Variants in SPTBN5 observed in about 807,000 individuals in gnomAD.
SPTBN5 encodes the protein spectrin beta chain, non-erythrocytic 5.
SPTBN5 carries 513 observed loss-of-function variants against 477.6 expected under a neutral mutation model. The observed-to-expected ratio is 1.07, with a 90% CI of 1.00 to 1.16. The LOEUF (loss-of-function observed/expected upper bound fraction) is 1.16, where lower values mean the gene tolerates loss of function less well. Among genes scored for constraint, SPTBN5 ranks in the 50% most tolerant of loss-of-function variants. The pLI, the probability that SPTBN5 is intolerant of heterozygous loss-of-function variation, is 0.00. For synonymous variants in SPTBN5, 2,169 were observed against 2,011.7 expected (o/e 1.08, Z -2.09); for missense variants, 5,062 against 4,731.8 (o/e 1.07, Z -2.05).
rs531643343 is a variant in SPTBN5 at position 41,867,918 on chromosome 15, A to G, written c.6207+151T>C. On this transcript the variant is annotated intron_variant, in intron 34 of 67. Coordinates refer to ENST00000320955, the MANE Select transcript of SPTBN5 (RefSeq NM_016642.4). The stretch of plus-strand genomic sequence containing the variant: ...TCAGTGGACGCTCAGGGGCCTCAGC[A>G]CTTCACCATGGCCACCTGGAAGGAC... The G allele has an allele frequency of 4.1e-5, 46 of 1,121,050 alleles. No individual in the cohort carries two copies. In the East Asian group the frequency reaches 5.4e-4, roughly 13 times the overall value. The allele number at this position is 1,121,050 out of a possible 1,614,324, so 69.4% of individuals were successfully genotyped here.
At position 41,852,896 on chromosome 15, in the gene SPTBN5, A is replaced by T. The variant is rs1248314331; in HGVS notation, c.10275T>A (p.Leu3425=). The T allele has an allele frequency of 6.2e-7, 1 of 1,607,840 alleles. No individual in the cohort carries two copies. The highest frequency in any genetic ancestry group is 2.2e-5 in the East Asian group (1 of 44,746). The change falls in exon 60 of 68, where the codon CTT becomes CTA. Residue 3425 remains leucine, a synonymous_variant. Transcript: ENST00000320955. Reference sequence around the variant, plus strand: ...CCTCAGCCTGCTCCAGCCTCTGCCGAAGCTTCTGCAGGCCCCAGCTCTCGG... The same window carrying T: ...CCTCAGCCTGCTCCAGCCTCTGCCGTAGCTTCTGCAGGCCCCAGCTCTCGG... ...RCAESWGLQK[L]RQRLEQAEAW...
At chr15:41,860,264 T>A (rs1399914518) in intron 47 of SPTBN5, among the ~76,000 whole-genome samples, 1 of 152,234 alleles carries the variant, frequency 6.6e-6, no homozygotes, top group Non-Finnish European at 1.5e-5. Context: ...GGAAGGCCGA[T>A]GCTTGACCTC....
intron 32 of SPTBN5, among the ~76,000 whole-genome samples, chr15:41,869,095 A>C (rs1403152734): frequency 6.6e-6 from 1 of 152,198 alleles, no homozygotes; most frequent in African/African-American, 2.4e-5. Context: ...GTACAACTAT[A>C]CAAGATTGGT....
chr15:41,868,643 G>A, intron 32 of SPTBN5, 42 bp from the exon 33 acceptor site: 1 of 1,579,254 alleles, frequency 6.3e-7, no homozygotes, highest in Non-Finnish European at 8.6e-7. Flanking sequence ...TGAGGGCTGG[G>A]CTGGGCAGCA....
At chr15:41,872,187 C>CATCT (rs1223459391) in intron 27 of SPTBN5, 115 bp downstream of exon 27, 1 of 1,330,588 alleles carries the variant, frequency 7.5e-7, no homozygotes. Context: ...TTTCCCAATG[C>CATCT]ATCTCTACAG....
At chr15:41,852,112 A>G in intron 62 of SPTBN5, 70 bp downstream of exon 62, 1 of 1,501,218 alleles carries the variant, frequency 6.7e-7, no homozygotes, top group South Asian at 1.3e-5. Context: ...TCACCCCCAC[A>G]GCCCCAGCCC....
In SPTBN5 at chr15:41,857,380, C is replaced by G; in HGVS notation, c.8479G>C (p.Gly2827Arg). Reference sequence around the variant, plus strand: ...GCTGCCTCCAGCTCCCTCTGTGTGCCCAGGAGCTCGCCCACCCCAGGCAGG... The same window carrying G: ...GCTGCCTCCAGCTCCCTCTGTGTGCGCAGGAGCTCGCCCACCCCAGGCAGG... ...QALPGVGELL[G>R]TQRELEAAVD... is the part of the protein sequence containing the mutation. The change falls in exon 51 of 68, where the codon GGC (glycine) becomes CGC (arginine). Residue 2827 changes from glycine (G) to arginine (R), a missense_variant. By Grantham distance (125) the Gly-to-Arg change is moderately radical. Transcript: ENST00000320955. The G allele has an allele frequency of 6.3e-7, 1 of 1,580,366 alleles. No individual in the cohort carries two copies. The highest frequency in any genetic ancestry group is 8.6e-7 in the Non-Finnish European group (1 of 1,163,246).
In SPTBN5 at chr15:41,882,277, C is replaced by T. The variant is rs773222907; in HGVS notation, c.2239G>A (p.Val747Ile). ...RGARLQTALL[V>I]LQYFADAAEA... is the part of the protein sequence containing the mutation. ...CCACCCCTCCCCACTACCTGCAGGACCAGCAGGGCTGTCTGCAGCCGTGCG... is the reference window on the plus strand; with the variant it reads ...CCACCCCTCCCCACTACCTGCAGGATCAGCAGGGCTGTCTGCAGCCGTGCG... Residue 747 changes from valine to isoleucine, a missense_variant, in exon 11 of 68, where the codon GTC (valine) becomes ATC (isoleucine). Physicochemically the swap from Val to Ile is conservative, Grantham distance 29. Coordinates refer to ENST00000320955, the MANE Select transcript of SPTBN5 (RefSeq NM_016642.4). 79 of 1,482,846 alleles carry T rather than the reference C, an allele frequency of 5.3e-5. No individual in the cohort carries two copies. The highest frequency in any genetic ancestry group is 6.4e-5 in the Non-Finnish European group (71 of 1,116,102). 91.9% of individuals were successfully genotyped at this position (1,482,846 alleles called of 1,614,324 possible).
chr15:41,868,009 A>G (rs2066390906), intron 34 of SPTBN5, 60 bp downstream of exon 34: 8 of 1,533,312 alleles, frequency 5.2e-6, no homozygotes, highest in Non-Finnish European at 7.0e-6. Context: ...CTGAGCAGAG[A>G]GGAGAATAGA....
rs1233616646 is a variant in SPTBN5, at chr15:41,855,337, G to A, written c.9310C>T (p.Gln3104Ter). 1.2e-6 allele frequency: 2 copies of A among 1,607,534 alleles called. No individual in the cohort carries two copies. Among genetic ancestry groups the A allele is most frequent in the Admixed American group, 1.7e-5 (1 of 59,994 alleles). ...CGCTCCAGCTGGTGTAGCTGCAGCT[G>A]CTCCTGCAGGCCGTGCCCCCTGGCC... ...AEARGHGLQE[Q>*]LQLHQLERET... The change falls in exon 55 of 68, where the codon CAG (glutamine) becomes TAG (stop). Residue 3104 changes from glutamine (Q) to a stop codon, truncating the protein, a stop_gained. Transcript: ENST00000320955. LOFTEE classifies it high-confidence loss of function.
chr15:41,863,180 A>G (rs976051875), intron 41 of SPTBN5, among the ~76,000 whole-genome samples: 5 of 152,216 alleles, frequency 3.3e-5, no homozygotes, highest in Admixed American at 1.3e-4. Flanking sequence ...CGAGAAAGGA[A>G]ATAGAGCAAG....
Position 41,851,733 on chromosome 15 carries a change from G to T in SPTBN5, c.10656+46C>A, listed in dbSNP as rs1567179898. The T allele has an allele frequency of 2.7e-6, 4 of 1,464,272 alleles. No individual in the cohort carries two copies. The South Asian group carries it at 4.6e-5, about 17-fold the overall frequency. The allele number at this position is 1,464,272 out of a possible 1,614,324, so 90.7% of individuals were successfully genotyped here. A position where few individuals can be genotyped will look rare whatever the true frequency, so the allele number is the denominator to read the frequency against. ...TGGCTCTTCGAGCCACTCAAGTGCTGCTGCAAGTGGGGAGCTGCCTGGAGA... is the reference window on the plus strand; with the variant it reads ...TGGCTCTTCGAGCCACTCAAGTGCTTCTGCAAGTGGGGAGCTGCCTGGAGA... On this transcript the variant is annotated intron_variant, in intron 63 of 67. Transcript: ENST00000320955.
chr15:41,859,516 G>A (rs767549399), intron 47 of SPTBN5, among the ~76,000 whole-genome samples: 5 of 152,264 alleles, frequency 3.3e-5, no homozygotes, highest in Middle Eastern at 3.4e-3. Flanking sequence ...TGGAGACAGC[G>A]TCTTTAAAAG....
At position 41,862,134 on chromosome 15, in the gene SPTBN5, C is replaced by A; in HGVS notation, c.7544G>T (p.Cys2515Phe). 10 of 1,572,158 alleles carry A rather than the reference C, an allele frequency of 6.4e-6. No individual in the cohort carries two copies. Among genetic ancestry groups the A allele is most frequent in the Non-Finnish European group, 8.7e-6 (10 of 1,155,428 alleles). Reference sequence around the variant, plus strand: ...TTGGGCCAGCTGCCCATTCACCTTGCACTCCTGATGCTCTTCTAACATACG... The same window carrying A: ...TTGGGCCAGCTGCCCATTCACCTTGAACTCCTGATGCTCTTCTAACATACG... ...ARRMLEEHQE[C>F]KAELDSWTDS... The change falls in exon 44 of 68, where the codon TGC (cysteine) becomes TTC (phenylalanine). Residue 2515 changes from cysteine (C) to phenylalanine (F), a missense_variant. Transcript: ENST00000320955.
At chr15:41,862,722 C>T (rs1419313045) in intron 42 of SPTBN5, 62 bp from the exon 43 acceptor site, 2 of 1,541,360 alleles carry the variant, frequency 1.3e-6, no homozygotes, top group Admixed American at 2.0e-5. Context: ...CAAGCCCCTC[C>T]TCCCCACTTG....
chr15:41,857,180 G>A, intron 51 of SPTBN5, 58 bp downstream of exon 51: 1 of 1,542,010 alleles, frequency 6.5e-7, no homozygotes, highest in South Asian at 1.2e-5. Context: ...AAGAGGGCAG[G>A]GGTGGGGGTC....
intron 30 of SPTBN5, 42 bp downstream of exon 30, chr15:41,870,404 G>C (rs1230095613): frequency 1.2e-6 from 2 of 1,609,386 alleles, no homozygotes. Flanking sequence ...TGGGCACTGA[G>C]CCTGGAGTGT....
chr15:41,886,252 G>A lies in SPTBN5; in HGVS notation c.1003C>T (p.Pro335Ser). The A allele has an allele frequency of 1.9e-6, 3 of 1,613,208 alleles. No individual in the cohort carries two copies. The highest frequency in any genetic ancestry group is 2.5e-6 in the Non-Finnish European group (3 of 1,179,898). Residue 335 changes from proline to serine, a missense_variant, in exon 7 of 68, where the codon CCA (proline) becomes TCA (serine). Coordinates refer to ENST00000320955, the MANE Select transcript of SPTBN5 (RefSeq NM_016642.4). ...KQMQLEARDF[P>S]DSLPAMRQLL... ...TGCCGCATGGCGGGCAGCGAGTCTGGAAAATCCCGCGCCTCCAGCTGCATC... is the reference window on the plus strand; with the variant it reads ...TGCCGCATGGCGGGCAGCGAGTCTGAAAAATCCCGCGCCTCCAGCTGCATC...
At chr15:41,862,463 A>G (rs2066144851) in intron 43 of SPTBN5, 76 bp downstream of exon 43, 3 of 1,541,580 alleles carry the variant, frequency 1.9e-6, no homozygotes, top group Non-Finnish European at 2.6e-6. Context: ...CTAGGGGAAC[A>G]CAGGGGCTGA....
Sources: allele counts gnomAD v4.1 joint callset (sites outside exome capture counted in the v4.1 genomes callset), GRCh38; gene constraint gnomAD v4.1.1; transcripts MANE v1.5; gene names NCBI Gene and HGNC (gene_info 2026-07-23, HGNC 2026-07-21).